The following MAPT variants were observed in gnomAD, a reference collection of about 807,000 sequenced individuals.
The protein encoded by MAPT is microtubule-associated protein tau.
Under a neutral mutation model 67.9 loss-of-function variants are expected in MAPT, and 34 were observed. The ratio of observed to expected loss-of-function variants is 0.50; its 90% CI spans 0.38 to 0.67. The LOEUF (loss-of-function observed/expected upper bound fraction) is 0.67. Ranked by LOEUF, MAPT falls within the 30% of genes least tolerant of loss-of-function variation. MAPT has a pLI of 0.00. For synonymous variants in MAPT, 456 were observed against 464.5 expected (o/e 0.98, Z 0.23); for missense variants, 881 against 1,115.2 (o/e 0.79, Z 2.99).
intron 1 of MAPT, chr17:45,898,419 G>T (rs943380991): frequency 6.6e-6 from 1 of 152,172 alleles, no homozygotes; most frequent in Non-Finnish European, 1.5e-5. Context: ...GATTTATTCC[G>T]GTTGGAAAAA....
intron 7 of MAPT, chr17:45,990,540 C>A (rs1324129635): frequency 2.3e-6 from 1 of 441,684 alleles, no homozygotes; most frequent in Non-Finnish European, 4.5e-6. Flanking sequence ...TGCTTGAACC[C>A]CAGAGGCAGA....
Position 45,996,371 on chromosome 17 carries a change from T to C in MAPT, c.1733-28T>C, listed in dbSNP as rs2074469694. 2 of 1,608,006 alleles carry C rather than the reference T, an allele frequency of 1.2e-6. No homozygotes were observed. The highest frequency in any genetic ancestry group is 8.5e-7 in the Non-Finnish European group (1 of 1,179,898). ...TTTCTGACCCCACCCACTCGAGTCC[T>C]GGCTTCACTCCCTTCCTTCCTTCCC... is the stretch of plus-strand genomic sequence containing the variant. On this transcript the variant is annotated intron_variant, in intron 8 of 12. Transcript: ENST00000262410. The surrounding 1 kb of genome is among the most constrained non-coding windows in gnomAD (Gnocchi z 4.5).
At chr17:45,950,290 G>A (rs998391225) in intron 1 of MAPT, among the ~76,000 whole-genome samples, 4 of 152,200 alleles carry the variant, frequency 2.6e-5, no homozygotes, top group South Asian at 4.1e-4. Flanking sequence ...GGAGGTGGGC[G>A]AGATGCCTGG....
At chr17:45,984,868 G>A (rs1237500033) in intron 5 of MAPT, among the ~76,000 whole-genome samples, 3 of 152,218 alleles carry the variant, frequency 2.0e-5, no homozygotes, top group African/African-American at 7.2e-5. Flanking sequence ...CATAAATTTG[G>A]GACCCTTAGC....
At chr17:45,946,615 A>AAAAAAATAT in intron 1 of MAPT, among the ~76,000 whole-genome samples, 46 of 100,388 alleles carry the variant, frequency 4.6e-4, no homozygotes, top group African/African-American at 1.5e-3. Context: ...AAAAAAAAAA[A>AAAAAAATAT]ATATATATAT....
intron 9 of MAPT, among the ~76,000 whole-genome samples, chr17:46,008,377 T>C (rs78136862): frequency 0.14 from 21,808 of 152,158 alleles, 2,131 homozygotes; most frequent in Non-Finnish European, 0.22. Context: ...GGAGCCACTG[T>C]ACCCAGCCTA....
chr17:45,900,578 G>A (rs967711684), intron 1 of MAPT, among the ~76,000 whole-genome samples: 1 of 152,168 alleles, frequency 6.6e-6, no homozygotes, highest in Non-Finnish European at 1.5e-5. Flanking sequence ...CCATGTCAGC[G>A]AGTCCCCAAG....
chr17:46,002,744 G>A (rs1446994178), intron 9 of MAPT, among the ~76,000 whole-genome samples: 1 of 152,166 alleles, frequency 6.6e-6, no homozygotes, highest in African/African-American at 2.4e-5. Flanking sequence ...TTGGTTCTGG[G>A]CCGCAGCCTG....
In MAPT at chr17:46,025,583, CCT is replaced by C. The variant is rs928770042; in HGVS notation, c.*1413_*1414del. 6.5e-6 allele frequency: 1 copy of C among 152,682 alleles called. No individual in the cohort carries two copies. The highest frequency in any genetic ancestry group is 2.4e-5 in the African/African-American group (1 of 41,456). 9.5% of individuals were successfully genotyped at this position (152,682 alleles called of 1,614,324 possible). ...CGAATCTCATGATCTGATTCGGTTC[CCT>C]GTCTCCTCCTCCCGTCACAGATGTG... is the stretch of plus-strand genomic sequence containing the variant. On this transcript the variant is annotated 3_prime_UTR_variant, in exon 13 of 13. Coordinates refer to ENST00000262410, the MANE Select transcript of MAPT (RefSeq NM_001377265.1).
rs2064341391 is a variant in MAPT at position 45,906,838 on chromosome 17, GGAACA to G, written c.-18+12155_-18+12159del. On this transcript the variant is annotated intron_variant, in intron 1 of 12. Coordinates refer to ENST00000262410, the MANE Select transcript of MAPT (RefSeq NM_001377265.1). The surrounding 1 kb of genome is among the most constrained non-coding windows in gnomAD (Gnocchi z 4.3). ...TTAAGCTCTTCTCCCTCCACATCCT[GGAACA>G]GACCCGCCAGTTTCTTCCAGGCATT... is the stretch of plus-strand genomic sequence containing the variant. Among the ~76,000 whole-genome samples, 1 of 152,076 alleles carries G rather than the reference GGAACA, an allele frequency of 6.6e-6. No homozygotes were observed. The highest frequency in any genetic ancestry group is 2.1e-4 in the South Asian group (1 of 4,822).
chr17:45,910,347 A>T (rs2064676599), intron 1 of MAPT, among the ~76,000 whole-genome samples: 1 of 152,106 alleles, frequency 6.6e-6, no homozygotes, highest in African/African-American at 2.4e-5. Flanking sequence ...GGAGGTTCAG[A>T]GGGATTCAGG....
chr17:45,953,742 T>G (rs1449979258), intron 1 of MAPT, among the ~76,000 whole-genome samples: 2 of 152,060 alleles, frequency 1.3e-5, no homozygotes, highest in African/African-American at 4.8e-5. Flanking sequence ...ACAGTGAGAC[T>G]CATTGCCCTG....
chr17:45,922,026 T>C (rs2065783869), intron 1 of MAPT, among the ~76,000 whole-genome samples: 1 of 151,916 alleles, frequency 6.6e-6, no homozygotes, highest in South Asian at 2.1e-4. Flanking sequence ...GAGTTTGCTT[T>C]TTTTTTTTCC....
chr17:45,951,898 AAGAGAGAGAGAGAGGAGG>A (rs2069121749), intron 1 of MAPT, among the ~76,000 whole-genome samples: 1 of 151,626 alleles, frequency 6.6e-6, no homozygotes, highest in African/African-American at 2.4e-5. Context: ...AGGAGAAAGG[AAGAGAGAGAGAGAGGAGG>A]AGAGAGAGAG....
chr17:45,982,033 A>AAG (rs1231379657), intron 4 of MAPT, among the ~76,000 whole-genome samples: 3 of 145,854 alleles, frequency 2.1e-5, no homozygotes, highest in African/African-American at 7.5e-5. Context: ...AAAAAAAAAA[A>AAG]GAAAGAAAGA....
intron 1 of MAPT, among the ~76,000 whole-genome samples, chr17:45,924,389 T>A (rs2066062356): frequency 6.6e-6 from 1 of 152,134 alleles, no homozygotes; most frequent in South Asian, 2.1e-4. Context: ...AGTGCAGGAG[T>A]GCGGTCGACT....
At chr17:45,960,874 G>A (rs1309341445) in intron 1 of MAPT, among the ~76,000 whole-genome samples, 1 of 150,596 alleles carries the variant, frequency 6.6e-6, no homozygotes, top group African/African-American at 2.4e-5. Context: ...GCCTCCTATA[G>A]CCATGAGCTA....
chr17:45,936,905 C>T (rs2067383187), intron 1 of MAPT, among the ~76,000 whole-genome samples: 1 of 152,156 alleles, frequency 6.6e-6, no homozygotes, highest in African/African-American at 2.4e-5. Flanking sequence ...AGTGTGCATG[C>T]CCAGGGACAT....
chr17:45,953,692 G>C (rs1227928872), intron 1 of MAPT, among the ~76,000 whole-genome samples: 1 of 152,190 alleles, frequency 6.6e-6, no homozygotes, highest in Non-Finnish European at 1.5e-5. Context: ...CAGGGATGGT[G>C]GAGGGGGAGG....
Sources: gnomAD v4.1 joint callset for allele counts (sites outside exome capture counted in the v4.1 genomes callset) on GRCh38, gnomAD v4.1.1 for gene constraint, Gnocchi (gnomAD v3.1) non-coding constraint, MANE v1.5 for transcripts, NCBI Gene and HGNC (gene_info 2026-07-23, HGNC 2026-07-21) for gene names.